The following PLCG2 variants were observed in gnomAD, a reference collection of about 807,000 sequenced individuals.
The protein encoded by PLCG2 is 1-phosphatidylinositol 4,5-bisphosphate phosphodiesterase gamma-2.
PLCG2 carries 69 observed loss-of-function variants against 175.6 expected under a neutral mutation model. The observed-to-expected ratio is 0.39, with a 90% confidence interval of 0.32 to 0.48. The LOEUF is 0.48. Among genes scored for constraint, PLCG2 ranks in the 20% least tolerant of loss-of-function variants. PLCG2 has a pLI of 0.91. For missense variants in PLCG2, 1,798 were observed against 1,650.9 expected (o/e 1.09, Z -1.54); for synonymous variants, 827 against 624.0 (o/e 1.33, Z -4.85).
rs548549651 is a variant in PLCG2 at position 81,917,069 on chromosome 16, C to G, written c.2055-2415C>G. On this transcript the variant is annotated intron_variant, in intron 19 of 32. Transcript: ENST00000564138. The stretch of plus-strand genomic sequence containing the variant: ...ACTCCCTACCTCCCCCTGCCCCGGA[C>G]CCTGGTAACCACCATTCTACTCTCC... Among the ~76,000 whole-genome samples the G allele has an allele frequency of 3.2e-4, 49 of 152,284 alleles. 1 individual carries two copies. Among genetic ancestry groups the G allele is most frequent in the South Asian group, 3.1e-3 (15 of 4,826 alleles).
intron 2 of PLCG2, among the ~76,000 whole-genome samples, chr16:81,759,662 C>A (rs112273981): frequency 6.6e-6 from 1 of 152,206 alleles, no homozygotes; most frequent in Non-Finnish European, 1.5e-5. Flanking sequence ...TCCTAGGGAC[C>A]GCTACTGTTG....
chr16:81,812,733 C>T (rs1408877948), intron 2 of PLCG2, among the ~76,000 whole-genome samples: 2 of 152,164 alleles, frequency 1.3e-5, no homozygotes, highest in African/African-American at 2.4e-5. Context: ...GTGTTTTAGT[C>T]ATGAAGTCTT....
intron 10 of PLCG2, among the ~76,000 whole-genome samples, chr16:81,890,021 G>T (rs904489057): frequency 1.3e-5 from 2 of 152,050 alleles, no homozygotes; most frequent in African/African-American, 4.8e-5. Flanking sequence ...ATTGGTTGGA[G>T]ATGCAATCAT....
intron 30 of PLCG2, among the ~76,000 whole-genome samples, chr16:81,943,851 C>T (rs750903032): frequency 6.6e-6 from 1 of 152,224 alleles, no homozygotes; most frequent in South Asian, 2.1e-4. Context: ...ATAAACCCTA[C>T]CAGGAAATGA....
chr16:81,785,577 T>A (rs1256514086), intron 1 of PLCG2, among the ~76,000 whole-genome samples: 1 of 151,790 alleles, frequency 6.6e-6, no homozygotes, highest in African/African-American at 2.4e-5. Context: ...GAGAAGGATG[T>A]TGGAGATTAG....
chr16:81,776,943 G>C (rs571589651), upstream of PLCG2, among the ~76,000 whole-genome samples: 3 of 152,264 alleles, frequency 2.0e-5, 1 homozygote, highest in Non-Finnish European at 2.9e-5. Context: ...GATTCCTTCA[G>C]TCGTTCACCT....
chr16:81,750,037 T>C (rs1426460440), intron 1 of PLCG2, among the ~76,000 whole-genome samples: 1 of 150,918 alleles, frequency 6.6e-6, no homozygotes, highest in African/African-American at 2.4e-5. Flanking sequence ...AATAATATGA[T>C]CCCATTGTGA....
intron 2 of PLCG2, among the ~76,000 whole-genome samples, chr16:81,811,366 C>T (rs564633233): frequency 2.0e-5 from 3 of 152,276 alleles, no homozygotes; most frequent in East Asian, 3.9e-4. Flanking sequence ...TGGTTTTGCA[C>T]GTCGGGGTTC....
intron 23 of PLCG2, among the ~76,000 whole-genome samples, chr16:81,927,826 G>C (rs898498453): frequency 2.6e-5 from 4 of 152,214 alleles, no homozygotes; most frequent in Non-Finnish European, 5.9e-5. Context: ...TGGCAGAAGA[G>C]AGGTGCAAGT....
At chr16:81,742,776 C>T (rs978552377) in intron 1 of PLCG2, among the ~76,000 whole-genome samples, 1 of 152,168 alleles carries the variant, frequency 6.6e-6, no homozygotes, top group African/African-American at 2.4e-5. Flanking sequence ...GGCCGGGAGC[C>T]TCACTTCCCA....
chr16:81,861,285 T>C (rs1906968117), intron 5 of PLCG2, among the ~76,000 whole-genome samples: 2 of 152,250 alleles, frequency 1.3e-5, no homozygotes, highest in Admixed American at 1.3e-4. Flanking sequence ...ATCCAATAAC[T>C]AAACTCTGTC....
intron 12 of PLCG2, among the ~76,000 whole-genome samples, chr16:81,894,236 C>G (rs1306148351): frequency 6.6e-6 from 1 of 151,810 alleles, no homozygotes; most frequent in East Asian, 1.9e-4. Flanking sequence ...TGAGACCAGC[C>G]TGGGCGACAT....
intron 2 of PLCG2, among the ~76,000 whole-genome samples, chr16:81,845,560 A>G (rs893673756): frequency 3.3e-5 from 5 of 152,218 alleles, no homozygotes; most frequent in South Asian, 2.1e-4. Context: ...CAGTAGCGAC[A>G]CTGCTCCTCA....
chr16:81,907,921 A>G (rs1225495502), intron 16 of PLCG2, 147 bp downstream of exon 16: 7 of 602,718 alleles, frequency 1.2e-5, no homozygotes, highest in African/African-American at 5.7e-5. Context: ...TCTGGGTACC[A>G]TGTCCTGGCT....
chr16:81,803,106 C>A (rs564806241), intron 2 of PLCG2, among the ~76,000 whole-genome samples: 2 of 147,906 alleles, frequency 1.4e-5, no homozygotes, highest in East Asian at 4.1e-4. Context: ...TGGCTTTTTG[C>A]ATTTCACTTT....
rs116285170 is a variant in PLCG2, at chr16:81,821,182, C to T, written c.194-33262C>T. 5.9e-3 allele frequency among the ~76,000 whole-genome samples: 895 copies of T among 152,342 alleles called. 8 individuals are homozygous for T. Among genetic ancestry groups the T allele is most frequent in the African/African-American group, 0.02 (851 of 41,586 alleles). On this transcript the variant is annotated intron_variant, in intron 2 of 32. Coordinates refer to ENST00000564138, the MANE Select transcript of PLCG2 (RefSeq NM_002661.5). ...GCTGGGATTACAGGCGTGCGTGAGC[C>T]GCCGTGCCTGGCCACATTACCCGCT...
chr16:81,940,133 G>GAATGAAA (rs1340110484), intron 30 of PLCG2, 74 bp downstream of exon 30: 19 of 1,308,912 alleles, frequency 1.5e-5, no homozygotes, highest in East Asian at 7.0e-5. Context: ...GCTTCAAAAA[G>GAATGAAA]AATGAAAAAT....
At chr16:81,923,977 TCA>T (rs563124655) in intron 22 of PLCG2, among the ~76,000 whole-genome samples, 6 of 152,310 alleles carry the variant, frequency 3.9e-5, no homozygotes, top group African/African-American at 1.4e-4. Flanking sequence ...ACTTTCCAAG[TCA>T]CACAAATAAA....
intron 5 of PLCG2, 69 bp from the exon 6 acceptor site, chr16:81,869,145 T>G (rs1907389272): frequency 8.6e-7 from 1 of 1,165,118 alleles, no homozygotes. Flanking sequence ...TGGGAACTGA[T>G]GGGAGCAGCT....
Sources: gnomAD v4.1 joint callset for allele counts (sites outside exome capture counted in the v4.1 genomes callset) on GRCh38, gnomAD v4.1.1 for gene constraint, MANE v1.5 for transcripts, NCBI Gene and HGNC (gene_info 2026-07-23, HGNC 2026-07-21) for gene names.